The following RORA variants were observed in gnomAD, a reference collection of about 807,000 sequenced individuals.
RORA encodes the protein nuclear receptor ROR-alpha.
Under a neutral mutation model 69.5 loss-of-function variants are expected in RORA, and 7 were observed. The ratio of observed to expected loss-of-function variants is 0.10; its 90% CI spans 0.06 to 0.19. The LOEUF (loss-of-function observed/expected upper bound fraction) is 0.19. Ranked by LOEUF, RORA falls within the 10% of genes least tolerant of loss-of-function variation. The pLI is 1.00. For synonymous variants in RORA, 261 were observed against 240.8 expected (o/e 1.08, Z -0.78); for missense variants, 457 against 663.0 (o/e 0.69, Z 3.41).
intron 1 of RORA, among the ~76,000 whole-genome samples, chr15:60,814,537 T>A (rs903822826): frequency 6.6e-6 from 1 of 152,080 alleles, no homozygotes; most frequent in Non-Finnish European, 1.5e-5. Context: ...ATGCCCAACA[T>A]AGTCCCCGGG....
intron 1 of RORA, among the ~76,000 whole-genome samples, chr15:60,804,422 C>T (rs1246653437): frequency 6.6e-6 from 1 of 151,962 alleles, no homozygotes; most frequent in Non-Finnish European, 1.5e-5. Flanking sequence ...CACGAATCCT[C>T]TTCATTTGAC....
chr15:61,149,499 T>G (rs1047570992), intron 1 of RORA, among the ~76,000 whole-genome samples: 3 of 152,148 alleles, frequency 2.0e-5, no homozygotes, highest in African/African-American at 7.2e-5. Flanking sequence ...ATTTCCTTCT[T>G]ATTTATTTAT....
intron 1 of RORA, among the ~76,000 whole-genome samples, chr15:60,684,790 T>C (rs1034760538): frequency 2.0e-5 from 3 of 152,208 alleles, no homozygotes; most frequent in African/African-American, 7.2e-5. Context: ...GGCTTGCACA[T>C]TGACTCCTCC....
chr15:60,680,538 TA>T lies in RORA; in HGVS notation c.167-1853del, dbSNP rs563500203. On this transcript the variant is annotated intron_variant, in intron 1 of 10. Coordinates refer to ENST00000335670, the MANE Select transcript of RORA (RefSeq NM_134261.3). ...GAGGTCGCAGTAGCTGGCATGGAGCTAAAACTTTTCATTATCTGTCTCCAGG... is the reference window on the plus strand; with the variant it reads ...GAGGTCGCAGTAGCTGGCATGGAGCTAAACTTTTCATTATCTGTCTCCAGG... 3.1e-3 allele frequency among the ~76,000 whole-genome samples: 472 copies of T among 152,116 alleles called. 3 individuals carry two copies. The highest frequency in any genetic ancestry group is 0.011 in the African/African-American group (449 of 41,486).
At chr15:61,024,965 T>TA (rs1233984673) in intron 1 of RORA, among the ~76,000 whole-genome samples, 21 of 152,234 alleles carry the variant, frequency 1.4e-4, no homozygotes, top group Admixed American at 1.4e-3. Context: ...TCTTCTGGCT[T>TA]ACTTTTTGTT....
At chr15:61,039,139 C>G (rs893022922) in intron 1 of RORA, 8 of 152,102 alleles carry the variant, frequency 5.3e-5, no homozygotes, top group Non-Finnish European at 1.2e-4. Flanking sequence ...TAAGGAGGAA[C>G]AAAAGATTTT....
At chr15:60,736,048 C>T (rs2071493991) in intron 1 of RORA, among the ~76,000 whole-genome samples, 1 of 152,300 alleles carries the variant, frequency 6.6e-6, no homozygotes, top group East Asian at 1.9e-4. Flanking sequence ...AAGGCGTCAT[C>T]TAGGGATCAA....
chr15:60,974,709 G>A (rs1893828015), intron 1 of RORA, among the ~76,000 whole-genome samples: 1 of 152,206 alleles, frequency 6.6e-6, no homozygotes, highest in Admixed American at 6.5e-5. Context: ...CAAAGCCACA[G>A]ATGAGTGGCA....
intron 1 of RORA, among the ~76,000 whole-genome samples, chr15:61,046,005 A>G (rs1232375069): frequency 2.0e-5 from 3 of 152,148 alleles, no homozygotes; most frequent in East Asian, 3.9e-4. Context: ...CCAGAACAAG[A>G]GAGGGCTGGA....
In RORA at chr15:60,534,384, G is replaced by T. The variant is rs974500294; in HGVS notation, c.197-2533C>A. ...CCTGAGTCAGGCTTCAGCTTGCAGG[G>T]GTTTTCAGATCTGGAGGATATTTGA... On this transcript the variant is annotated intron_variant, in intron 2 of 10. Coordinates refer to ENST00000335670, the MANE Select transcript of RORA (RefSeq NM_134261.3). This position sits in a 1 kb window ranked among gnomAD's most constrained non-coding sequence, Gnocchi z 5.0. Among the ~76,000 whole-genome samples, 2 of 152,126 alleles carry T rather than the reference G, an allele frequency of 1.3e-5. No individual in the cohort carries two copies. The highest frequency in any genetic ancestry group is 2.4e-5 in the African/African-American group (1 of 41,414).
intron 1 of RORA, among the ~76,000 whole-genome samples, chr15:60,980,336 G>C (rs1284622783): frequency 6.6e-6 from 1 of 152,082 alleles, no homozygotes; most frequent in Non-Finnish European, 1.5e-5. Flanking sequence ...TTAGCCTGTA[G>C]CTTTCCTTTC....
At chr15:61,078,249 T>C (rs2078482385) in intron 1 of RORA, among the ~76,000 whole-genome samples, 1 of 152,170 alleles carries the variant, frequency 6.6e-6, no homozygotes, top group South Asian at 2.1e-4. Flanking sequence ...CTGCAACCTC[T>C]GCCTCTCAGG....
intron 1 of RORA, among the ~76,000 whole-genome samples, chr15:60,917,284 T>C (rs1484994923): frequency 6.6e-6 from 1 of 152,266 alleles, no homozygotes; most frequent in African/African-American, 2.4e-5. Flanking sequence ...TTATTGCTTT[T>C]ACGTGGCAAA....
intron 2 of RORA, among the ~76,000 whole-genome samples, chr15:60,554,190 A>T (rs1213814250): frequency 1.3e-5 from 2 of 152,186 alleles, no homozygotes; most frequent in African/African-American, 4.8e-5. Context: ...TTGATTTTTT[A>T]AAATGTAAGT....
chr15:61,083,982 A>G (rs2078584835), intron 1 of RORA, among the ~76,000 whole-genome samples: 1 of 152,204 alleles, frequency 6.6e-6, no homozygotes, highest in South Asian at 2.1e-4. Context: ...GGTTGAACCA[A>G]CATTTAAGGC....
chr15:60,944,491 T>G (rs995753986), intron 1 of RORA, among the ~76,000 whole-genome samples: 1 of 151,972 alleles, frequency 6.6e-6, no homozygotes, highest in African/African-American at 2.4e-5. Flanking sequence ...CTAAGGCAAG[T>G]GGATCACCTG....
intron 5 of RORA, among the ~76,000 whole-genome samples, chr15:60,506,277 A>G (rs2065497347): frequency 6.6e-6 from 1 of 152,136 alleles, no homozygotes; most frequent in African/African-American, 2.4e-5. Flanking sequence ...AATGAGGGAA[A>G]TGGTACCTAT....
chr15:60,497,392 AT>A lies in RORA; in HGVS notation c.*62del, dbSNP rs1357060521. The A allele has an allele frequency of 6.0e-6, 9 of 1,492,982 alleles. No homozygotes were observed. The highest frequency in any genetic ancestry group is 8.4e-6 in the Non-Finnish European group (9 of 1,077,330). 92.5% of individuals were successfully genotyped at this position (1,492,982 alleles called of 1,614,324 possible). A position where few individuals can be genotyped will look rare whatever the true frequency, so the allele number is the denominator to read the frequency against. On this transcript the variant is annotated 3_prime_UTR_variant, in exon 11 of 11. Coordinates refer to ENST00000335670, the MANE Select transcript of RORA (RefSeq NM_134261.3). ...AGGGCCATATAAAGTGTCTCGGTTA[AT>A]TTTTTTGTTTGTTTTTCATGTTTGT...
intron 1 of RORA, among the ~76,000 whole-genome samples, chr15:60,837,582 G>A (rs141670281): frequency 6.6e-6 from 1 of 152,326 alleles, no homozygotes; most frequent in Non-Finnish European, 1.5e-5. Context: ...CTTCCATGGG[G>A]AGCCTGTTTG....
Sources: allele counts gnomAD v4.1 joint callset (sites outside exome capture counted in the v4.1 genomes callset), GRCh38; gene constraint gnomAD v4.1.1; non-coding constraint Gnocchi (gnomAD v3.1); transcripts MANE v1.5; gene names NCBI Gene and HGNC (gene_info 2026-07-23, HGNC 2026-07-21).